NEGR1: variants seen among roughly 807,000 people sequenced by gnomAD.
NEGR1 encodes neuronal growth regulator 1, also known as IgLON family member 4.
In NEGR1, 10 loss-of-function variants were observed where a neutral mutation model predicts 40.9. The ratio of observed to expected loss-of-function variants is 0.24; its 90% CI spans 0.15 to 0.42. NEGR1 has a LOEUF of 0.42. Among genes scored for constraint, NEGR1 ranks in the 10% least tolerant of loss-of-function variants. The probability of loss-of-function intolerance (pLI) is 1.00; values close to 1 mark genes in which losing one functional copy is unlikely to be tolerated. For synonymous variants in NEGR1, 185 were observed against 166.8 expected (o/e 1.11, Z -0.84); for missense variants, 352 against 438.9 (o/e 0.80, Z 1.77).
At chr1:71,884,268 C>G (rs1660663659) in intron 2 of NEGR1, among the ~76,000 whole-genome samples, 1 of 151,964 alleles carries the variant, frequency 6.6e-6, no homozygotes, top group Non-Finnish European at 1.5e-5. Context: ...TGCCTCACTT[C>G]TTGGGTGGGA....
At chr1:71,531,885 AT>A (rs1647367322) in intron 6 of NEGR1, among the ~76,000 whole-genome samples, 1 of 151,294 alleles carries the variant, frequency 6.6e-6, no homozygotes, top group South Asian at 2.1e-4. Flanking sequence ...AATTTAAAGC[AT>A]TTTTGATTGA....
At chr1:72,229,661 T>C (rs1194275) in intron 1 of NEGR1, among the ~76,000 whole-genome samples, 264 of 151,720 alleles carry the variant, frequency 1.7e-3, no homozygotes, top group African/African-American at 6.2e-3. Context: ...TCTGTTTTCT[T>C]TTTTTGGTAA....
intron 2 of NEGR1, among the ~76,000 whole-genome samples, chr1:71,898,990 A>AG (rs1661066269): frequency 1.3e-5 from 1 of 75,160 alleles, no homozygotes; most frequent in South Asian, 4.2e-4. Flanking sequence ...GCATATATAT[A>AG]TATATATATA....
At chr1:71,636,833 G>A (rs918998509) in intron 4 of NEGR1, among the ~76,000 whole-genome samples, 10 of 152,004 alleles carry the variant, frequency 6.6e-5, no homozygotes, top group Middle Eastern at 3.2e-3. Context: ...GGTTCGAAAT[G>A]TTCTTGGAGG....
chr1:72,282,053 C>T (rs1354231884), intron 1 of NEGR1, among the ~76,000 whole-genome samples: 1 of 152,134 alleles, frequency 6.6e-6, no homozygotes, highest in Non-Finnish European at 1.5e-5. Context: ...CCTGCCCCTC[C>T]TTCTAAACCT....
intron 4 of NEGR1, among the ~76,000 whole-genome samples, chr1:71,667,932 T>C (rs756462570): frequency 5.9e-5 from 9 of 152,312 alleles, no homozygotes; most frequent in South Asian, 2.1e-4. Flanking sequence ...TTAACTATTA[T>C]AGGTATTGTT....
intron 5 of NEGR1, among the ~76,000 whole-genome samples, chr1:71,607,928 C>A (rs1650121742): frequency 6.6e-6 from 1 of 152,098 alleles, no homozygotes; most frequent in Non-Finnish European, 1.5e-5. Context: ...ACCTTGTGAT[C>A]CACCCGTCTT....
intron 1 of NEGR1, among the ~76,000 whole-genome samples, chr1:72,224,946 G>A (rs1205551166): frequency 1.3e-5 from 2 of 151,924 alleles, no homozygotes; most frequent in Non-Finnish European, 1.5e-5. Context: ...TTATTTCAAT[G>A]GCTTTACAAA....
rs1014873308 is a variant in NEGR1 at position 71,507,282 on chromosome 1, A to T, written c.940+85535T>A. Among the ~76,000 whole-genome samples, 8 of 152,344 alleles carry T rather than the reference A, an allele frequency of 5.3e-5. No homozygotes were observed. In the South Asian group the frequency reaches 1.7e-3, roughly 32 times the overall value. On this transcript the variant is annotated intron_variant, in intron 6 of 6. Transcript: ENST00000357731. The stretch of plus-strand genomic sequence containing the variant: ...GTAGTATTAAGGTGCAGTTTACCAG[A>T]GATGTGAAGGAAGAATTAGACAGGA...
intron 2 of NEGR1, among the ~76,000 whole-genome samples, chr1:71,816,276 C>A (rs113665266): frequency 0.012 from 1,796 of 152,130 alleles, 26 homozygotes; most frequent in African/African-American, 0.039. Flanking sequence ...CTGTATGATT[C>A]CCCTCCTTTT....
At chr1:72,054,961 A>C (rs1647097235) in intron 1 of NEGR1, among the ~76,000 whole-genome samples, 1 of 151,102 alleles carries the variant, frequency 6.6e-6, no homozygotes, top group South Asian at 2.1e-4. Context: ...AGCGCATTCA[A>C]TTTATGGAGA....
intron 4 of NEGR1, among the ~76,000 whole-genome samples, chr1:71,661,648 T>G (rs997047038): frequency 6.6e-6 from 1 of 152,206 alleles, no homozygotes; most frequent in Non-Finnish European, 1.5e-5. Flanking sequence ...AAGTACATGT[T>G]CAAAGTCAGA....
chr1:71,580,266 A>G (rs1422786039), intron 6 of NEGR1, among the ~76,000 whole-genome samples: 1 of 146,310 alleles, frequency 6.8e-6, no homozygotes, highest in African/African-American at 2.5e-5. Flanking sequence ...ATGAGAACAC[A>G]TGGACACAGG....
At chr1:71,633,263 A>G (rs1339207152) in intron 4 of NEGR1, among the ~76,000 whole-genome samples, 1 of 152,112 alleles carries the variant, frequency 6.6e-6, no homozygotes, top group Non-Finnish European at 1.5e-5. Flanking sequence ...TGCCATCAGT[A>G]GATGCCACAG....
At chr1:71,578,755 A>G (rs372319729) in intron 6 of NEGR1, among the ~76,000 whole-genome samples, 12 of 152,292 alleles carry the variant, frequency 7.9e-5, no homozygotes, top group African/African-American at 1.7e-4. Flanking sequence ...GGAAGGTTAT[A>G]TTAGAAAAAG....
At chr1:71,983,439 T>C (rs865956513) in intron 1 of NEGR1, among the ~76,000 whole-genome samples, 4 of 152,190 alleles carry the variant, frequency 2.6e-5, no homozygotes, top group Non-Finnish European at 4.4e-5. Context: ...TAGAATTTTT[T>C]TTCTGACAGA....
intron 2 of NEGR1, among the ~76,000 whole-genome samples, chr1:71,897,936 T>C (rs1207587868): frequency 6.6e-6 from 1 of 152,172 alleles, no homozygotes; most frequent in Non-Finnish European, 1.5e-5. Context: ...ATTTCCAACT[T>C]AGAAATTTTA....
intron 6 of NEGR1, among the ~76,000 whole-genome samples, chr1:71,448,085 G>T (rs775130153): frequency 6.6e-6 from 1 of 152,156 alleles, no homozygotes; most frequent in African/African-American, 2.4e-5. Flanking sequence ...TTTACTGCTT[G>T]ACCAAGGGAA....
intron 2 of NEGR1, among the ~76,000 whole-genome samples, chr1:71,787,257 T>A (rs1485976379): frequency 6.6e-6 from 1 of 152,204 alleles, no homozygotes; most frequent in Non-Finnish European, 1.5e-5. Flanking sequence ...ATAAAGCTAC[T>A]ACAAAGCCAG....
Sources: allele counts gnomAD v4.1 joint callset (sites outside exome capture counted in the v4.1 genomes callset), GRCh38; gene constraint gnomAD v4.1.1; transcripts MANE v1.5; gene names NCBI Gene and HGNC (gene_info 2026-07-23, HGNC 2026-07-21).